The following TIAM1 variants were observed in gnomAD, a reference collection of about 807,000 sequenced individuals.
The protein encoded by TIAM1 is rho guanine nucleotide exchange factor TIAM1.
TIAM1 carries 65 observed loss-of-function variants against 163.5 expected under a neutral mutation model. The ratio of observed to expected loss-of-function variants is 0.40; its 90% confidence interval spans 0.33 to 0.49. The LOEUF is 0.49. TIAM1 is among the 20% of genes least tolerant of loss of function. TIAM1 has a pLI of 0.77. For synonymous variants in TIAM1, 833 were observed against 810.1 expected (o/e 1.03, Z -0.48); for missense variants, 1,789 against 2,044.7 (o/e 0.87, Z 2.41).
intron 11 of TIAM1, among the ~76,000 whole-genome samples, 162 bp from the exon 12 acceptor site, chr21:31,203,174 G>A (rs1445197408): frequency 5.3e-5 from 8 of 152,222 alleles, no homozygotes; most frequent in Non-Finnish European, 1.0e-4. Flanking sequence ...CCAGCCTGGA[G>A]TGCAATGGCG....
intron 12 of TIAM1, among the ~76,000 whole-genome samples, chr21:31,196,254 C>A (rs1208499586): frequency 1.3e-5 from 2 of 150,896 alleles, no homozygotes; most frequent in African/African-American, 4.9e-5. Flanking sequence ...ACTAAAAAGT[C>A]AAAAAACAAC....
At chr21:31,411,805 A>G (rs942299836) in intron 2 of TIAM1, among the ~76,000 whole-genome samples, 6 of 152,116 alleles carry the variant, frequency 3.9e-5, no homozygotes, top group Non-Finnish European at 8.8e-5. Flanking sequence ...AAAACAGATG[A>G]CAGGCGGGAT....
intron 1 of TIAM1, among the ~76,000 whole-genome samples, chr21:31,544,170 T>C (rs1403591274): frequency 1.3e-5 from 2 of 150,196 alleles, no homozygotes; most frequent in Non-Finnish European, 3.0e-5. Flanking sequence ...ATCATATCAC[T>C]GCACTCCAGC....
At chr21:31,440,664 T>C (rs2044384440) in intron 2 of TIAM1, among the ~76,000 whole-genome samples, 1 of 152,020 alleles carries the variant, frequency 6.6e-6, no homozygotes. Flanking sequence ...AGGCGGATCA[T>C]GAGGTCAGAG....
chr21:31,516,345 G>T (rs2047381580), intron 1 of TIAM1, among the ~76,000 whole-genome samples: 1 of 152,148 alleles, frequency 6.6e-6, no homozygotes, highest in Non-Finnish European at 1.5e-5. Flanking sequence ...CCAGGAGGTG[G>T]AGGTTGCACT....
chr21:31,261,842 T>C (rs2072492697), intron 4 of TIAM1, among the ~76,000 whole-genome samples: 1 of 152,166 alleles, frequency 6.6e-6, no homozygotes, highest in Non-Finnish European at 1.5e-5. Flanking sequence ...GCACCACACC[T>C]GGCTAGGGAC....
intron 1 of TIAM1, among the ~76,000 whole-genome samples, chr21:31,468,243 A>C (rs1316819208): frequency 6.6e-6 from 1 of 152,096 alleles, no homozygotes; most frequent in East Asian, 1.9e-4. Flanking sequence ...TGGGAGGCCA[A>C]GGCAGGCGGA....
chr21:31,300,234 C>T (rs762595374), intron 2 of TIAM1, among the ~76,000 whole-genome samples: 10 of 152,174 alleles, frequency 6.6e-5, no homozygotes, highest in Non-Finnish European at 1.5e-4. Flanking sequence ...ATGGAAGTTT[C>T]CTAAGGTCTC....
intron 15 of TIAM1, among the ~76,000 whole-genome samples, chr21:31,168,862 T>TA (rs2084369347): frequency 6.6e-6 from 1 of 152,116 alleles, no homozygotes; most frequent in South Asian, 2.1e-4. Context: ...TCCCATATTA[T>TA]AAAACACAAG....
chr21:31,519,718 G>C (rs1025062709), intron 1 of TIAM1, among the ~76,000 whole-genome samples: 2 of 152,126 alleles, frequency 1.3e-5, no homozygotes, highest in African/African-American at 4.8e-5. Context: ...ATACTATTCA[G>C]CCTTAAAAGG....
intron 1 of TIAM1, among the ~76,000 whole-genome samples, chr21:31,550,172 C>CTTTTG (rs2048635544): frequency 6.6e-6 from 1 of 151,454 alleles, no homozygotes; most frequent in African/African-American, 2.4e-5. Context: ...CAAACAAATA[C>CTTTTG]TTGTGCCATA....
intron 2 of TIAM1, among the ~76,000 whole-genome samples, chr21:31,312,870 T>C (rs115491481): frequency 0.01 from 1,526 of 152,162 alleles, 28 homozygotes; most frequent in African/African-American, 0.035. Context: ...AAAAAGAATA[T>C]GAAAATAGGA....
At chr21:31,384,499 C>T (rs942395883) in intron 2 of TIAM1, among the ~76,000 whole-genome samples, 1 of 152,002 alleles carries the variant, frequency 6.6e-6, no homozygotes, top group Admixed American at 6.6e-5. Context: ...TGTTTGAGCA[C>T]AGCAGCTTGA....
chr21:31,134,234 C>G (rs528613628), intron 23 of TIAM1, among the ~76,000 whole-genome samples: 5 of 152,300 alleles, frequency 3.3e-5, no homozygotes, highest in African/African-American at 1.2e-4. Flanking sequence ...ACCTCTATGA[C>G]TGCTAGTCTG....
intron 2 of TIAM1, among the ~76,000 whole-genome samples, chr21:31,329,737 C>G (rs992902102): frequency 2.0e-5 from 3 of 152,118 alleles, no homozygotes; most frequent in Non-Finnish European, 4.4e-5. Context: ...CCCCTGCTGC[C>G]CAGTGACTGC....
intron 2 of TIAM1, among the ~76,000 whole-genome samples, chr21:31,362,444 C>CT (rs1569265838): frequency 4.5e-5 from 4 of 89,444 alleles, no homozygotes; most frequent in Non-Finnish European, 9.2e-5. Context: ...AATGCAGTGA[C>CT]AATTATTATT....
intron 2 of TIAM1, among the ~76,000 whole-genome samples, chr21:31,385,658 T>C (rs2076853334): frequency 6.6e-6 from 1 of 151,160 alleles, no homozygotes; most frequent in Non-Finnish European, 1.5e-5. Flanking sequence ...GTAATGTATA[T>C]TCCTCACCCA....
intron 2 of TIAM1, among the ~76,000 whole-genome samples, chr21:31,373,669 A>AT (rs1181917469): frequency 6.6e-6 from 1 of 152,082 alleles, no homozygotes; most frequent in Non-Finnish European, 1.5e-5. Context: ...GGTGTCTGGA[A>AT]TTTTTTTCTT....
At chr21:31,480,782 C>T (rs2046085777) in intron 1 of TIAM1, among the ~76,000 whole-genome samples, 1 of 152,172 alleles carries the variant, frequency 6.6e-6, no homozygotes, top group African/African-American at 2.4e-5. Flanking sequence ...ACAGAATAGT[C>T]TCACTCTGTT....
Sources: allele counts gnomAD v4.1 joint callset (sites outside exome capture counted in the v4.1 genomes callset), GRCh38; gene constraint gnomAD v4.1.1; transcripts MANE v1.5; gene names NCBI Gene and HGNC (gene_info 2026-07-23, HGNC 2026-07-21).